Variants in EPB41L4A observed in about 807,000 individuals in gnomAD.
The protein encoded by EPB41L4A is erythrocyte membrane protein band 4.1 like 4A, also known as band 4.1-like protein 4A.
Under a neutral mutation model 108.6 loss-of-function variants are expected in EPB41L4A, and 100 were observed. That is an observed-to-expected ratio of 0.92 (90% CI 0.78 to 1.09). EPB41L4A has a LOEUF of 1.09. Ranked by LOEUF, EPB41L4A falls within the 50% of genes least tolerant of loss-of-function variation. The pLI is 0.00. For missense variants in EPB41L4A, 1,030 were observed against 842.7 expected, an observed-to-expected ratio of 1.22 and a Z score of -2.75; for synonymous variants, 319 against 289.0, an observed-to-expected ratio of 1.10 and a Z score of -1.05.
chr5:112,313,567 G>A (rs982757053), intron 1 of EPB41L4A, among the ~76,000 whole-genome samples: 1 of 152,106 alleles, frequency 6.6e-6, no homozygotes, highest in Admixed American at 6.5e-5. Context: ...CTGCAGCCTG[G>A]GCGACAGAGC....
intron 1 of EPB41L4A, among the ~76,000 whole-genome samples, chr5:112,412,051 G>T (rs542192461): frequency 1.3e-5 from 2 of 152,098 alleles, no homozygotes; most frequent in African/African-American, 2.4e-5. Context: ...TACTAAATGC[G>T]CTTTCCCGAG....
intron 1 of EPB41L4A, among the ~76,000 whole-genome samples, chr5:112,338,844 T>A (rs758485240): frequency 5.9e-5 from 9 of 152,196 alleles, no homozygotes; most frequent in Non-Finnish European, 8.8e-5. Flanking sequence ...AGAGACCTAA[T>A]GGCCCACAAA....
intron 10 of EPB41L4A, among the ~76,000 whole-genome samples, chr5:112,240,505 T>C (rs546950985): frequency 1.8e-3 from 276 of 152,318 alleles, no homozygotes; most frequent in Non-Finnish European, 2.9e-3. Flanking sequence ...AAGATATAAC[T>C]GTATCTATGT....
intron 12 of EPB41L4A, among the ~76,000 whole-genome samples, chr5:112,153,851 T>C (rs571301634): frequency 2.8e-4 from 43 of 151,256 alleles, no homozygotes; most frequent in Non-Finnish European, 3.0e-5. Flanking sequence ...CAAAATCTTA[T>C]AGTTTTATTA....
chr5:112,326,825 A>T (rs1756193535), intron 1 of EPB41L4A, among the ~76,000 whole-genome samples: 1 of 152,208 alleles, frequency 6.6e-6, no homozygotes, highest in African/African-American at 2.4e-5. Flanking sequence ...TGTAACTTCT[A>T]CATTCAATCA....
chr5:112,165,141 A>G (rs1196607521), intron 22 of EPB41L4A, 23 bp from the exon 23 acceptor site: 25 of 1,541,846 alleles, frequency 1.6e-5, no homozygotes, highest in Admixed American at 1.8e-5. Context: ...TGAAAAATGT[A>G]GAAAGATTCA....
chr5:112,178,806 T>A (rs1282622453), intron 18 of EPB41L4A, among the ~76,000 whole-genome samples: 1 of 151,808 alleles, frequency 6.6e-6, no homozygotes, highest in Non-Finnish European at 1.5e-5. Flanking sequence ...ATGCTTATAT[T>A]GGAAAAGTAG....
chr5:112,251,122 A>C (rs1162300681), intron 9 of EPB41L4A, among the ~76,000 whole-genome samples: 10 of 152,202 alleles, frequency 6.6e-5, no homozygotes, highest in Admixed American at 6.5e-4. Context: ...AGCCACACTT[A>C]AGAATAGTTG....
chr5:112,211,488 A>C (rs1762739433), intron 12 of EPB41L4A, among the ~76,000 whole-genome samples: 1 of 151,948 alleles, frequency 6.6e-6, no homozygotes, highest in Admixed American at 6.6e-5. Context: ...AGGCTGAGGC[A>C]GGAGAATTGC....
At chr5:112,227,694 C>G (rs1452195193) in intron 12 of EPB41L4A, among the ~76,000 whole-genome samples, 1 of 152,198 alleles carries the variant, frequency 6.6e-6, no homozygotes, top group Non-Finnish European at 1.5e-5. Flanking sequence ...ACAAGCCACA[C>G]TGAGGTTCTG....
intron 1 of EPB41L4A, among the ~76,000 whole-genome samples, chr5:112,399,040 C>A (rs1025322267): frequency 6.6e-6 from 1 of 152,054 alleles, no homozygotes; most frequent in Non-Finnish European, 1.5e-5. Context: ...CACTGTGAGA[C>A]CAACGTGCGG....
intron 1 of EPB41L4A, among the ~76,000 whole-genome samples, chr5:112,410,988 C>T (rs7706551): frequency 0.023 from 3,438 of 152,228 alleles, 130 homozygotes; most frequent in African/African-American, 0.069. Context: ...CCGCCCTGAA[C>T]CTCCTTTCCT....
exon 14 of EPB41L4A, chr5:112,142,685 T>C (rs1053710785): frequency 6.6e-5 from 10 of 152,184 alleles, no homozygotes; most frequent in Admixed American, 2.6e-4. Context: ...GAGAATGAGA[T>C]TTTCGGTCAG....
At chr5:112,144,122 C>T (rs916225231) in intron 13 of EPB41L4A, among the ~76,000 whole-genome samples, 1 of 152,118 alleles carries the variant, frequency 6.6e-6, no homozygotes, top group Non-Finnish European at 1.5e-5. Flanking sequence ...TTATTTTAAC[C>T]ACCCTGATAT....
intron 18 of EPB41L4A, among the ~76,000 whole-genome samples, chr5:112,178,309 T>TAA (rs1285973734): frequency 4.6e-5 from 7 of 151,968 alleles, no homozygotes; most frequent in Non-Finnish European, 1.5e-5. Flanking sequence ...TAACTTGAAG[T>TAA]AAAAACTGAC....
At chr5:112,330,752 G>A (rs1207866259) in intron 1 of EPB41L4A, among the ~76,000 whole-genome samples, 4 of 149,626 alleles carry the variant, frequency 2.7e-5, no homozygotes, top group Admixed American at 2.7e-4. Flanking sequence ...CTTTGGTATA[G>A]GTTTAAAAAA....
intron 2 of EPB41L4A, among the ~76,000 whole-genome samples, chr5:112,292,992 C>T (rs971170759): frequency 1.3e-5 from 2 of 151,996 alleles, no homozygotes; most frequent in Non-Finnish European, 2.9e-5. Flanking sequence ...ATGTATATAA[C>T]TAAGAAGGTA....
chr5:112,318,748 A>G (rs1189735375), intron 1 of EPB41L4A, among the ~76,000 whole-genome samples: 1 of 152,232 alleles, frequency 6.6e-6, no homozygotes, highest in African/African-American at 2.4e-5. Flanking sequence ...ACTAAGACTC[A>G]AATGTTCTCA....
rs983120027 is a variant in EPB41L4A at position 112,212,293 on chromosome 5, T to C, written c.1088-2311A>G. ...GGTGTGCCCTACCATTAGTTGTTTT[T>C]GTTTTTTTTTTTCTCCTGAGACAGA... On this transcript the variant is annotated intron_variant, in intron 12 of 22. Coordinates refer to ENST00000261486, the MANE Select transcript of EPB41L4A (RefSeq NM_022140.5). Among the ~76,000 whole-genome samples, 4 of 145,210 alleles carry C rather than the reference T, an allele frequency of 2.8e-5. No individual in the cohort carries two copies. The Admixed American group carries it at 2.8e-4, about 10-fold the overall frequency.
Sources: gnomAD v4.1 joint callset for allele counts (sites outside exome capture counted in the v4.1 genomes callset) on GRCh38, gnomAD v4.1.1 for gene constraint, MANE v1.5 for transcripts, NCBI Gene and HGNC (gene_info 2026-07-23, HGNC 2026-07-21) for gene names.